The following INSR variants were observed in gnomAD, a reference collection of about 807,000 sequenced individuals.
The protein encoded by INSR is IR.
In INSR, 67 loss-of-function variants were observed where a neutral mutation model predicts 142.6. That is an observed-to-expected ratio of 0.47 (90% CI 0.39 to 0.58). INSR has a LOEUF of 0.58. Ranked by LOEUF, INSR falls within the 20% of genes least tolerant of loss-of-function variation. INSR has a pLI of 0.00. For synonymous variants in INSR, 756 were observed against 743.1 expected (o/e 1.02, Z -0.28); for missense variants, 1,248 against 1,833.2 (o/e 0.68, Z 5.83).
intron 2 of INSR, among the ~76,000 whole-genome samples, chr19:7,185,072 C>T (rs2144991945): frequency 6.6e-6 from 1 of 152,238 alleles, no homozygotes; most frequent in African/African-American, 2.4e-5. Flanking sequence ...ACTATTGACA[C>T]AAAAGTAGTA....
chr19:7,267,858 A>T lies in INSR; in HGVS notation c.139T>A (p.Leu47Met). Residue 47 changes from leucine to methionine, a missense_variant, in exon 2 of 22, where the codon TTG becomes ATG. Physicochemically the swap from Leu to Met is conservative, Grantham distance 15 (BLOSUM62 2). Coordinates refer to ENST00000302850, the MANE Select transcript of INSR (RefSeq NM_000208.4). The surrounding 1 kb of genome is among the most constrained non-coding windows in gnomAD (Gnocchi z 6.3). ...ACAGAGCAATTCTCCAGCTCATGCA[A>T]CCTAGTGAGGTTGTTCCGGATATCC... ...GMDIRNNLTR[L>M]HELENCSVIE... 6.2e-7 allele frequency: 1 copy of T among 1,614,054 alleles called. No homozygotes were observed. Among genetic ancestry groups the T allele is most frequent in the African/African-American group, 1.3e-5 (1 of 75,028 alleles).
chr19:7,152,114 G>A (rs560687346), intron 10 of INSR: 24 of 166,874 alleles, frequency 1.4e-4, no homozygotes, highest in Non-Finnish European at 2.5e-4. Flanking sequence ...ATCACGGCCA[G>A]GCACGGTGGC....
intron 8 of INSR, among the ~76,000 whole-genome samples, chr19:7,164,566 C>G (rs1257101553): frequency 1.3e-5 from 2 of 150,678 alleles, no homozygotes; most frequent in Non-Finnish European, 3.0e-5. Context: ...GCCTGTAATC[C>G]CAGCACTTTG....
intron 13 of INSR, among the ~76,000 whole-genome samples, chr19:7,139,417 A>C (rs963846740): frequency 9.2e-5 from 14 of 152,194 alleles, no homozygotes; most frequent in African/African-American, 3.4e-4. Context: ...CCAAATCCCC[A>C]AAAATAAATG....
chr19:7,161,260 AT>A (rs957207449), intron 9 of INSR, among the ~76,000 whole-genome samples: 3 of 150,462 alleles, frequency 2.0e-5, no homozygotes, highest in African/African-American at 4.9e-5. Flanking sequence ...ATTTTGTATA[AT>A]TTTTTTTATA....
At chr19:7,210,643 C>T (rs1975247343) in intron 2 of INSR, among the ~76,000 whole-genome samples, 1 of 152,032 alleles carries the variant, frequency 6.6e-6, no homozygotes, top group Non-Finnish European at 1.5e-5. Flanking sequence ...GCACTGGCCT[C>T]TGGCATAAAA....
At chr19:7,124,824 G>A (rs1197012284) in intron 17 of INSR, among the ~76,000 whole-genome samples, 1 of 150,546 alleles carries the variant, frequency 6.6e-6, no homozygotes, top group Non-Finnish European at 1.5e-5. Context: ...GGCAGGAAGA[G>A]TTGGTGCTGC....
intron 1 of INSR, among the ~76,000 whole-genome samples, chr19:7,287,728 A>G (rs12981659): frequency 0.33 from 50,915 of 152,116 alleles, 9,737 homozygotes; most frequent in Non-Finnish European, 0.44. Flanking sequence ...AGAGAAAGAC[A>G]TAGCGTTTCA....
intron 9 of INSR, among the ~76,000 whole-genome samples, chr19:7,160,526 G>A (rs1172609787): frequency 2.0e-5 from 3 of 152,126 alleles, no homozygotes; most frequent in Admixed American, 1.3e-4. Flanking sequence ...TCAGGAGGCT[G>A]AGGCGGGAAG....
At chr19:7,211,995 A>G (rs1436677580) in intron 2 of INSR, among the ~76,000 whole-genome samples, 1 of 152,092 alleles carries the variant, frequency 6.6e-6, no homozygotes, top group Non-Finnish European at 1.5e-5. Flanking sequence ...CTGTTATCTT[A>G]AAGTAGGGTT....
At chr19:7,179,154 C>T (rs1974213212) in intron 3 of INSR, among the ~76,000 whole-genome samples, 1 of 152,214 alleles carries the variant, frequency 6.6e-6, no homozygotes, top group African/African-American at 2.4e-5. Flanking sequence ...TCAAGTGAGC[C>T]TCCCACCATG....
At chr19:7,124,963 G>A (rs1447398201) in intron 17 of INSR, among the ~76,000 whole-genome samples, 2 of 151,992 alleles carry the variant, frequency 1.3e-5, no homozygotes, top group Non-Finnish European at 2.9e-5. Flanking sequence ...TGTGGAAAAT[G>A]ATGGAAGATT....
rs1974631667 is a variant in INSR, at chr19:7,192,537, T to C, written c.653-7900A>G. On this transcript the variant is annotated intron_variant, in intron 2 of 21. Transcript: ENST00000302850. The surrounding 1 kb of genome is among the most constrained non-coding windows in gnomAD (Gnocchi z 4.2). ...CGTAATGAGCCCAAGTGTCCGTTCC[T>C]GCCCAAATTCTGGTTTGGGGTAGGG... is the stretch of plus-strand genomic sequence containing the variant. Among the ~76,000 whole-genome samples, 1 of 152,104 alleles carries C rather than the reference T, an allele frequency of 6.6e-6. No individual in the cohort carries two copies. Among genetic ancestry groups the C allele is most frequent in the Non-Finnish European group, 1.5e-5 (1 of 68,014 alleles).
chr19:7,174,987 T>C (rs1461743088), intron 3 of INSR, among the ~76,000 whole-genome samples: 1 of 151,866 alleles, frequency 6.6e-6, no homozygotes, highest in Non-Finnish European at 1.5e-5. Flanking sequence ...GGATTATAGG[T>C]GCCCGCCACC....
At chr19:7,162,326 C>CA (rs34182944) in intron 9 of INSR, among the ~76,000 whole-genome samples, 8,225 of 62,728 alleles carry the variant, frequency 0.13, 668 homozygotes, top group African/African-American at 0.24. Context: ...GACCCTGTCT[C>CA]AAAAAAAAAA....
At chr19:7,162,991 G>A (rs1035037403) in intron 9 of INSR, 41 bp downstream of exon 9, 5 of 1,609,226 alleles carry the variant, frequency 3.1e-6, no homozygotes, top group Non-Finnish European at 4.2e-6. Flanking sequence ...AGACACACGT[G>A]TGCAAACCCC....
intron 2 of INSR, among the ~76,000 whole-genome samples, chr19:7,251,325 C>T (rs1274657335): frequency 1.3e-5 from 2 of 152,006 alleles, no homozygotes; most frequent in South Asian, 2.1e-4. Context: ...TATGCAATCT[C>T]GGCTCATTAC....
At position 7,249,757 on chromosome 19, in the gene INSR, C is replaced by T. The variant is rs1337894656; in HGVS notation, c.652+17588G>A. Among the ~76,000 whole-genome samples, 4 of 152,180 alleles carry T rather than the reference C, an allele frequency of 2.6e-5. 1 individual carries two copies. Among genetic ancestry groups the T allele is most frequent in the Middle Eastern group, 3.4e-3 (1 of 294 alleles). On this transcript the variant is annotated intron_variant, in intron 2 of 21. Coordinates refer to ENST00000302850, the MANE Select transcript of INSR (RefSeq NM_000208.4). ...CCTGTAATCCCAGCACTTTGGGAGG[C>T]CAAGGAGGGTGGATCACGAGGTCAG...
At chr19:7,255,182 C>T (rs928483742) in intron 2 of INSR, among the ~76,000 whole-genome samples, 1 of 152,282 alleles carries the variant, frequency 6.6e-6, no homozygotes, top group African/African-American at 2.4e-5. Context: ...TTGAACCCAC[C>T]AAAACACTTT....
Sources: allele counts gnomAD v4.1 joint callset (sites outside exome capture counted in the v4.1 genomes callset), GRCh38; gene constraint gnomAD v4.1.1; non-coding constraint Gnocchi (gnomAD v3.1); transcripts MANE v1.5; gene names NCBI Gene and HGNC (gene_info 2026-07-23, HGNC 2026-07-21).